LIFR: variants seen among roughly 807,000 people sequenced by gnomAD.
LIFR encodes the protein LIF receptor subunit alpha, also known as leukemia inhibitory factor receptor.
A neutral mutation model predicts 122.2 loss-of-function variants in LIFR; 84 were observed. That is an observed-to-expected ratio of 0.69 (90% CI 0.58 to 0.82). LIFR has a LOEUF of 0.82. Ranked by LOEUF, LIFR falls within the 40% of genes least tolerant of loss-of-function variation. The probability of loss-of-function intolerance (pLI) is 0.00; values close to 1 mark genes in which losing one functional copy is unlikely to be tolerated. For missense variants in LIFR, 1,294 were observed against 1,311.6 expected (o/e 0.99, Z 0.21); for synonymous variants, 422 against 434.7 (o/e 0.97, Z 0.36).
intron 2 of LIFR, among the ~76,000 whole-genome samples, chr5:38,604,696 G>A (rs1750290601): frequency 7.0e-6 from 1 of 142,728 alleles, no homozygotes; most frequent in South Asian, 2.2e-4. Flanking sequence ...GCAAGACTCT[G>A]TCTCAAAAAA....
At chr5:38,545,142 C>T (rs1372370981) in intron 1 of LIFR, among the ~76,000 whole-genome samples, 2 of 151,946 alleles carry the variant, frequency 1.3e-5, no homozygotes, top group East Asian at 1.9e-4. Flanking sequence ...TGGTGGCGGA[C>T]GCCTGTAGTC....
chr5:38,567,496 G>GTATTTATTTATTTATTTATGTATT (rs1554029744), intron 1 of LIFR, among the ~76,000 whole-genome samples: 91 of 132,880 alleles, frequency 6.8e-4, no homozygotes, highest in Middle Eastern at 3.6e-3. Context: ...TGACCATTCT[G>GTATTTATTTATTTATTTATGTATT]TATTTATTTA....
rs1743654169 is a variant in LIFR at position 38,474,813 on chromosome 5, G to A, written c.*6782C>T. The A allele has an allele frequency of 6.6e-6, 1 of 152,482 alleles. No individual in the cohort carries two copies. Among genetic ancestry groups the A allele is most frequent in the Admixed American group, 6.5e-5 (1 of 15,280 alleles). 9.4% of individuals were successfully genotyped at this position (152,482 alleles called of 1,614,324 possible). ...CAATGGCACAGCAATGTACTCAAAT[G>A]TTAAAAATACATCCATAGCGCTATG... On this transcript the variant is annotated 3_prime_UTR_variant, in exon 20 of 20. Coordinates refer to ENST00000453190, the MANE Select transcript of LIFR (RefSeq NM_001127671.2).
intron 15 of LIFR, among the ~76,000 whole-genome samples, chr5:38,489,638 T>A (rs917864725): frequency 1.3e-5 from 2 of 152,138 alleles, no homozygotes; most frequent in African/African-American, 4.8e-5. Context: ...ACATCCAAGT[T>A]CAGATTTAAT....
chr5:38,511,721 C>T (rs1745813241), intron 6 of LIFR, 69 bp downstream of exon 6: 1 of 1,489,906 alleles, frequency 6.7e-7, no homozygotes, highest in Non-Finnish European at 9.4e-7. Context: ...AAAGCTCAAA[C>T]TAAATCTTAC....
Position 38,484,787 on chromosome 5 carries a change from C to T in LIFR, c.2579G>A (p.Arg860Gln), listed in dbSNP as rs765499626. 9 of 1,610,602 alleles carry T rather than the reference C, an allele frequency of 5.6e-6. No homozygotes were observed. The highest frequency in any genetic ancestry group is 4.5e-5 in the East Asian group (2 of 44,812). Reference protein sequence around the residue: ...VGVVTSILCYRKREWIKETFY... With the variant: ...VGVVTSILCYQKREWIKETFY... The stretch of plus-strand genomic sequence containing the variant: ...GCAGAACTATTACCATTCTCGTTTC[C>T]GATAGCAAAGGATACTTGTCACCAC... Residue 860 changes from arginine (R) to glutamine (Q), a missense_variant, in exon 18 of 20, where the codon CGG (arginine) becomes CAG (glutamine). By Grantham distance (43) the Arg-to-Gln change is conservative. Coordinates refer to ENST00000453190, the MANE Select transcript of LIFR (RefSeq NM_001127671.2).
Position 38,479,472 on chromosome 5 carries a change from A to T in LIFR, c.*2123T>A. The T allele has an allele frequency of 4.3e-6, 1 of 231,138 alleles. No homozygotes were observed. 14.3% of individuals were successfully genotyped at this position (231,138 alleles called of 1,614,324 possible). On this transcript the variant is annotated 3_prime_UTR_variant, in exon 20 of 20. Coordinates refer to ENST00000453190, the MANE Select transcript of LIFR (RefSeq NM_001127671.2). ...AAATGAGTCGTTATATAGGTTAGAA[A>T]GGGCCCTGGATCCAGATGGTCACAG...
chr5:38,477,087 T>C lies in LIFR; in HGVS notation c.*4508A>G, dbSNP rs1743759218. The C allele has an allele frequency of 4.5e-6, 1 of 224,484 alleles. No individual in the cohort carries two copies. Among genetic ancestry groups the C allele is most frequent in the Non-Finnish European group, 8.9e-6 (1 of 112,572 alleles). The allele number at this position is 224,484 out of a possible 1,614,324, so 13.9% of individuals were successfully genotyped here. On this transcript the variant is annotated 3_prime_UTR_variant, in exon 20 of 20. Transcript: ENST00000453190. ...TAATTGAATGTTATTCTTAATCCTT[T>C]ACACTGGCACTAAAAATAGTTCATC...
intron 1 of LIFR, among the ~76,000 whole-genome samples, chr5:38,546,665 G>A (rs773574979): frequency 1.1e-4 from 17 of 152,116 alleles, no homozygotes; most frequent in South Asian, 2.1e-4. Flanking sequence ...TGTCAATGTT[G>A]TCTATCTTGC....
chr5:38,504,162 G>C, intron 9 of LIFR, 41 bp from the exon 10 acceptor site: 1 of 1,299,640 alleles, frequency 7.7e-7, no homozygotes, highest in Non-Finnish European at 1.1e-6. Flanking sequence ...TTATTTAAAG[G>C]GAAAAACTAT....
chr5:38,598,215 T>TA (rs1418139668), upstream of LIFR, among the ~76,000 whole-genome samples: 5 of 66,482 alleles, frequency 7.5e-5, no homozygotes, highest in African/African-American at 4.3e-4. Context: ...GCACCTCTTT[T>TA]TTTTTTTTTT....
At position 38,522,262 on chromosome 5, in the gene LIFR, T is replaced by C. The variant is rs147166539; in HGVS notation, c.561+1157A>G. 4.7e-3 allele frequency among the ~76,000 whole-genome samples: 722 copies of C among 152,320 alleles called. 4 individuals are homozygous for C. The highest frequency in any genetic ancestry group is 7.9e-3 in the Non-Finnish European group (538 of 68,018). ...TTGCAGGCAGGGGACTCTGGGCACATGGAATGCACTTTAGCAGTGGAGCCA... is the reference window on the plus strand; with the variant it reads ...TTGCAGGCAGGGGACTCTGGGCACACGGAATGCACTTTAGCAGTGGAGCCA... On this transcript the variant is annotated intron_variant, in intron 5 of 19. Transcript: ENST00000453190.
chr5:38,495,031 C>T (rs975179774), intron 13 of LIFR, among the ~76,000 whole-genome samples: 21 of 152,200 alleles, frequency 1.4e-4, no homozygotes, highest in Non-Finnish European at 2.5e-4. Flanking sequence ...GAGAACACTT[C>T]GGACATAACA....
At chr5:38,575,554 T>C (rs539293676) in intron 1 of LIFR, among the ~76,000 whole-genome samples, 6 of 152,310 alleles carry the variant, frequency 3.9e-5, no homozygotes, top group African/African-American at 1.4e-4. Context: ...CCACTCTGAA[T>C]TGTTTAAAGT....
chr5:38,544,920 A>G (rs181843858), intron 1 of LIFR, among the ~76,000 whole-genome samples: 287 of 152,362 alleles, frequency 1.9e-3, no homozygotes, highest in African/African-American at 6.5e-3. Context: ...ATGGATGAAT[A>G]AACTGAATCT....
intron 12 of LIFR, 77 bp downstream of exon 12, chr5:38,499,436 G>C: frequency 9.9e-7 from 1 of 1,010,382 alleles, no homozygotes; most frequent in Non-Finnish European, 1.6e-6. Context: ...TCAGCTCCTT[G>C]ATAACCCAAG....
Position 38,496,604 on chromosome 5 carries a change from AACAG to A in LIFR, c.1672-13_1672-10del. On this transcript the variant is annotated splice_polypyrimidine_tract_variant and intron_variant, in intron 12 of 19. Transcript: ENST00000453190. ...TCATTAATGGGTAAAGGCTATGAAAAACAGACAAATTGTTATAAAACCCTGCAAA... is the reference window on the plus strand; with the variant it reads ...TCATTAATGGGTAAAGGCTATGAAAAACAAATTGTTATAAAACCCTGCAAA... 1.3e-6 allele frequency: 2 copies of A among 1,591,392 alleles called. No individual in the cohort carries two copies. The highest frequency in any genetic ancestry group is 1.7e-6 in the Non-Finnish European group (2 of 1,159,558).
chr5:38,489,908 T>C (rs1028497066), intron 15 of LIFR, among the ~76,000 whole-genome samples: 1 of 138,500 alleles, frequency 7.2e-6, no homozygotes, highest in African/African-American at 2.8e-5. Context: ...GGTGGGAGGA[T>C]CACCTGAGCC....
upstream of LIFR, chr5:38,558,729 G>A (rs1384807191): frequency 6.6e-6 from 1 of 152,218 alleles, no homozygotes; most frequent in Non-Finnish European, 1.5e-5. Flanking sequence ...TCACAAGGAA[G>A]CGGAAAGAAT....
Sources: gnomAD v4.1 joint callset for allele counts (sites outside exome capture counted in the v4.1 genomes callset) on GRCh38, gnomAD v4.1.1 for gene constraint, MANE v1.5 for transcripts, NCBI Gene and HGNC (gene_info 2026-07-23, HGNC 2026-07-21) for gene names.